The following CHIC1 variants were observed in gnomAD, a reference collection of about 807,000 sequenced individuals.
CHIC1 encodes the protein cysteine-rich hydrophobic domain-containing protein 1.
A neutral mutation model predicts 18.5 loss-of-function variants in CHIC1; 7 were observed. The ratio of observed to expected loss-of-function variants is 0.38; its 90% CI spans 0.22 to 0.71. The LOEUF is 0.71. Among genes scored for constraint, CHIC1 ranks in the 30% least tolerant of loss-of-function variants. CHIC1 has a pLI of 0.49. For missense variants in CHIC1, 159 were observed against 176.9 expected, an observed-to-expected ratio of 0.90 and a Z score of 0.57; for synonymous variants, 77 against 73.5, an observed-to-expected ratio of 1.05 and a Z score of -0.25.
chrX:73,629,313 A>G (rs1340517492), intron 3 of CHIC1, among the ~76,000 whole-genome samples: 1 of 110,318 alleles, frequency 9.1e-6, no homozygotes, highest in Admixed American at 9.6e-5. Context: ...TTTTAGTTTG[A>G]TGTTGTCTGT....
intron 3 of CHIC1, among the ~76,000 whole-genome samples, chrX:73,604,423 G>A (rs2057668632): frequency 9.4e-6 from 1 of 106,490 alleles, no homozygotes; most frequent in Non-Finnish European, 1.9e-5. Context: ...AGTCTGGCTA[G>A]CGGTCTATTT....
chrX:73,673,477 T>C (rs1473896818), intron 3 of CHIC1, among the ~76,000 whole-genome samples: 1 of 111,842 alleles, frequency 8.9e-6, no homozygotes, highest in Admixed American at 9.5e-5. Flanking sequence ...CCTTGTAAGT[T>C]GGATTCCTAG....
chrX:73,612,161 A>G (rs74790334), intron 3 of CHIC1, among the ~76,000 whole-genome samples: 4 of 111,568 alleles, frequency 3.6e-5, no homozygotes, highest in Non-Finnish European at 5.6e-5. Context: ...TAGGTCTAAC[A>G]TTTAAGTCTT....
At chrX:73,655,156 T>C (rs768561234) in intron 3 of CHIC1, among the ~76,000 whole-genome samples, 1 of 109,555 alleles carries the variant, frequency 9.1e-6, no homozygotes, top group East Asian at 2.9e-4. Context: ...ATGCGGGTAT[T>C]TGGTTTTCTC....
chrX:73,618,550 T>C (rs1297554601), intron 3 of CHIC1, among the ~76,000 whole-genome samples: 1 of 111,147 alleles, frequency 9.0e-6, no homozygotes, highest in Non-Finnish European at 1.9e-5. Context: ...GTCAGGGAAC[T>C]GGGGGAAAGA....
intron 1 of CHIC1, among the ~76,000 whole-genome samples, chrX:73,566,997 C>CA (rs1180264566): frequency 4.5e-5 from 5 of 111,415 alleles, no homozygotes; most frequent in Non-Finnish European, 9.4e-5. Context: ...TTTTGCCAGC[C>CA]AAAAAAATCA....
chrX:73,575,742 C>T (rs181668049), intron 1 of CHIC1, among the ~76,000 whole-genome samples: 2 of 109,923 alleles, frequency 1.8e-5, no homozygotes, highest in East Asian at 5.7e-4. Context: ...TTACTGTATA[C>T]TACTGTAGAA....
At chrX:73,671,690 G>A (rs1383826215) in intron 3 of CHIC1, among the ~76,000 whole-genome samples, 1 of 107,121 alleles carries the variant, frequency 9.3e-6, no homozygotes, top group Non-Finnish European at 1.9e-5. Context: ...TTTAAATCTT[G>A]TTTGTTATCT....
intron 3 of CHIC1, among the ~76,000 whole-genome samples, chrX:73,649,308 C>T (rs2057904369): frequency 9.0e-6 from 1 of 111,460 alleles, no homozygotes; most frequent in African/African-American, 3.3e-5. Context: ...GCAAAATAAC[C>T]AGCTAGGATC....
intron 3 of CHIC1, among the ~76,000 whole-genome samples, chrX:73,602,835 T>C (rs1174401012): frequency 9.2e-6 from 1 of 108,559 alleles, no homozygotes; most frequent in Non-Finnish European, 1.9e-5. Flanking sequence ...AGATGTGTGG[T>C]GTTTATTTAT....
rs1019461255 is a variant in CHIC1 at position 73,683,591 on chromosome X, T to A, written c.*2586T>A. The A allele has an allele frequency of 9.8e-5, 11 of 112,044 alleles. No homozygotes were observed. The highest frequency in any genetic ancestry group is 3.6e-4 in the African/African-American group (11 of 30,959). 9.2% of individuals were successfully genotyped at this position (112,044 alleles called of 1,213,427 possible). ...AACATACTTTTGTGAAAGTTGTTTT[T>A]AGACTGAAGAAAGTAATTTTGAATT... is the stretch of plus-strand genomic sequence containing the variant. On this transcript the variant is annotated 3_prime_UTR_variant, in exon 6 of 6. Coordinates refer to ENST00000373502, the MANE Select transcript of CHIC1 (RefSeq NM_001039840.4).
intron 3 of CHIC1, among the ~76,000 whole-genome samples, chrX:73,639,330 GTATC>G (rs772501901): frequency 4.5e-5 from 5 of 111,853 alleles, no homozygotes; most frequent in East Asian, 2.8e-4. Context: ...CTTTTGAAAA[GTATC>G]TATTCATGTC....
chrX:73,675,127 C>T (rs974037829), intron 3 of CHIC1, among the ~76,000 whole-genome samples: 1 of 111,807 alleles, frequency 8.9e-6, no homozygotes, highest in African/African-American at 3.3e-5. Context: ...TATTCTTTTA[C>T]ATTTGCTGAG....
intron 3 of CHIC1, among the ~76,000 whole-genome samples, chrX:73,660,665 T>G (rs776980890): frequency 1.8e-5 from 2 of 111,074 alleles, no homozygotes; most frequent in South Asian, 7.7e-4. Context: ...CTGCATCGTC[T>G]GGGTCTGCAG....
At chrX:73,565,388 A>G (rs2057440305) in intron 1 of CHIC1, among the ~76,000 whole-genome samples, 1 of 112,000 alleles carries the variant, frequency 8.9e-6, no homozygotes, top group African/African-American at 3.2e-5. Flanking sequence ...TTACCAACCT[A>G]TTTGCTTCAT....
chrX:73,661,636 C>T (rs757443765), intron 3 of CHIC1, among the ~76,000 whole-genome samples: 3 of 111,361 alleles, frequency 2.7e-5, no homozygotes, highest in Non-Finnish European at 5.6e-5. Context: ...TTGCTGAAGT[C>T]GAAGAAAAAG....
chrX:73,642,894 A>C (rs1402490550), intron 3 of CHIC1, among the ~76,000 whole-genome samples: 1 of 109,318 alleles, frequency 9.1e-6, no homozygotes, highest in Non-Finnish European at 1.9e-5. Context: ...CTGTTTTGGT[A>C]CCAGTACCAT....
At chrX:73,600,540 T>G (rs1395445073) in intron 3 of CHIC1, among the ~76,000 whole-genome samples, 1 of 108,269 alleles carries the variant, frequency 9.2e-6, no homozygotes, top group Non-Finnish European at 1.9e-5. Flanking sequence ...GTTTTTAGCA[T>G]GAAGGGTTGT....
chrX:73,632,481 A>G (rs191777834), intron 3 of CHIC1, among the ~76,000 whole-genome samples: 1 of 111,325 alleles, frequency 9.0e-6, no homozygotes, highest in African/African-American at 3.3e-5. Context: ...TGTTATTGCT[A>G]TTTTTTAAAA....
Sources: gnomAD v4.1 joint callset for allele counts (sites outside exome capture counted in the v4.1 genomes callset) on GRCh38, gnomAD v4.1.1 for gene constraint, MANE v1.5 for transcripts, NCBI Gene and HGNC (gene_info 2026-07-23, HGNC 2026-07-21) for gene names.